The following CADM1 variants were observed in gnomAD, a reference collection of about 807,000 sequenced individuals.
CADM1 encodes TSLC-1.
CADM1 carries 15 observed loss-of-function variants against 53.1 expected under a neutral mutation model. That is an observed-to-expected ratio of 0.28 (90% CI 0.19 to 0.44). The LOEUF (loss-of-function observed/expected upper bound fraction) is 0.44. Ranked by LOEUF, CADM1 falls within the 20% of genes least tolerant of loss-of-function variation. The pLI, the probability that CADM1 is intolerant of heterozygous loss-of-function variation, is 1.00. For synonymous variants in CADM1, 281 were observed against 243.0 expected (o/e 1.16, Z -1.45); for missense variants, 434 against 611.3 (o/e 0.71, Z 3.06).
intron 1 of CADM1, chr11:115,257,036 G>A: frequency 2.8e-6 from 1 of 351,424 alleles, no homozygotes; most frequent in Non-Finnish European, 5.9e-6. Context: ...CCTCACAATT[G>A]TGCACAGCCA....
intron 1 of CADM1, among the ~76,000 whole-genome samples, chr11:115,298,396 AG>A (rs1944134215): frequency 6.6e-6 from 1 of 152,232 alleles, no homozygotes; most frequent in Admixed American, 6.5e-5. Flanking sequence ...GGAAGGAGGC[AG>A]GAAGAGAAAG....
intron 11 of CADM1, among the ~76,000 whole-genome samples, chr11:115,177,957 G>A (rs545553549): frequency 4.6e-5 from 7 of 152,132 alleles, no homozygotes; most frequent in East Asian, 1.9e-4. Flanking sequence ...AGACAGGGGC[G>A]GACAAAGAAA....
chr11:115,363,176 T>C (rs1298226427), intron 1 of CADM1, among the ~76,000 whole-genome samples: 1 of 152,224 alleles, frequency 6.6e-6, no homozygotes, highest in Non-Finnish European at 1.5e-5. Flanking sequence ...TGAGTGAACC[T>C]GGCACCTGTT....
intron 9 of CADM1, among the ~76,000 whole-genome samples, chr11:115,191,467 C>G (rs1454694132): frequency 1.3e-5 from 2 of 152,214 alleles, no homozygotes; most frequent in East Asian, 1.9e-4. Flanking sequence ...ATCAGAAAAT[C>G]TGATTCGCAA....
chr11:115,504,072 T>C (rs974397435), intron 1 of CADM1, among the ~76,000 whole-genome samples, 199 bp downstream of exon 1: 4 of 151,882 alleles, frequency 2.6e-5, no homozygotes, highest in Admixed American at 2.6e-4. Context: ...CATTCACACT[T>C]AGCCGGGCAG....
At chr11:115,379,567 T>C (rs1358194930) in intron 1 of CADM1, among the ~76,000 whole-genome samples, 1 of 152,228 alleles carries the variant, frequency 6.6e-6, no homozygotes, top group Non-Finnish European at 1.5e-5. Flanking sequence ...AGTACTGCAC[T>C]AGATTTTTTG....
intron 1 of CADM1, among the ~76,000 whole-genome samples, chr11:115,477,882 G>C (rs1166919134): frequency 6.6e-6 from 1 of 152,214 alleles, no homozygotes; most frequent in Non-Finnish European, 1.5e-5. Flanking sequence ...ATTGCATCCA[G>C]ATGAAATCCT....
At chr11:115,400,521 G>T (rs1324468817) in intron 1 of CADM1, among the ~76,000 whole-genome samples, 1 of 145,012 alleles carries the variant, frequency 6.9e-6, no homozygotes, top group Admixed American at 6.9e-5. Context: ...TTATATATCA[G>T]AATACTGTCA....
intron 5 of CADM1, among the ~76,000 whole-genome samples, chr11:115,225,016 T>C (rs575561371): frequency 5.1e-4 from 77 of 152,316 alleles, no homozygotes; most frequent in Admixed American, 2.8e-3. Flanking sequence ...GCATAACATC[T>C]AAGGAAAGAG....
chr11:115,209,762 C>T (rs979106183), intron 7 of CADM1, 105 bp from the exon 8 acceptor site: 4 of 1,408,144 alleles, frequency 2.8e-6, no homozygotes, highest in African/African-American at 1.4e-5. Flanking sequence ...TGTTTGATGG[C>T]TTCCCCCTTT....
intron 9 of CADM1, among the ~76,000 whole-genome samples, chr11:115,196,444 T>C (rs900274688): frequency 1.3e-5 from 2 of 151,936 alleles, no homozygotes; most frequent in Non-Finnish European, 2.9e-5. Context: ...AGACAAATGG[T>C]CAATATTTCT....
chr11:115,488,305 A>AATGG (rs1949420991), intron 1 of CADM1, among the ~76,000 whole-genome samples: 1 of 152,196 alleles, frequency 6.6e-6, no homozygotes, highest in South Asian at 2.1e-4. Context: ...GGGAAGTCTA[A>AATGG]ATGGATGGAT....
At chr11:115,211,654 A>ATTTT (rs368847838) in intron 7 of CADM1, among the ~76,000 whole-genome samples, 3 of 128,982 alleles carry the variant, frequency 2.3e-5, no homozygotes, top group Non-Finnish European at 3.3e-5. Context: ...TAATTTTTGT[A>ATTTT]TTTTTTTTTT....
At chr11:115,255,493 C>T (rs7110617) in intron 1 of CADM1, among the ~76,000 whole-genome samples, 152,143 of 152,336 alleles carry the variant, frequency 1, 75,976 homozygotes, top group Middle Eastern at 1. Flanking sequence ...ATAATTCCTA[C>T]GCATATTAAT....
intron 1 of CADM1, among the ~76,000 whole-genome samples, chr11:115,249,928 A>G (rs1272692992): frequency 1.3e-5 from 2 of 152,116 alleles, no homozygotes; most frequent in Non-Finnish European, 2.9e-5. Context: ...TCTTTGAGAC[A>G]GAGTCTCCCT....
At chr11:115,491,812 T>C (rs1312743582) in intron 1 of CADM1, among the ~76,000 whole-genome samples, 1 of 152,156 alleles carries the variant, frequency 6.6e-6, no homozygotes, top group East Asian at 1.9e-4. Flanking sequence ...GGGACATGGA[T>C]GAAGCTGGAA....
intron 1 of CADM1, among the ~76,000 whole-genome samples, chr11:115,446,710 T>G (rs1948458573): frequency 1.3e-5 from 2 of 152,186 alleles, no homozygotes; most frequent in African/African-American, 4.8e-5. Context: ...GATAAACCTA[T>G]GTAGCCTAAA....
chr11:115,209,877 AGT>A (rs1234660972), intron 7 of CADM1, among the ~76,000 whole-genome samples: 1 of 152,202 alleles, frequency 6.6e-6, no homozygotes, highest in Non-Finnish European at 1.5e-5. Flanking sequence ...TCATTAATGA[AGT>A]GAATTAGGGA....
chr11:115,416,573 T>A (rs567662152), intron 1 of CADM1, among the ~76,000 whole-genome samples: 1 of 152,176 alleles, frequency 6.6e-6, no homozygotes, highest in East Asian at 1.9e-4. Context: ...TAGTATTCTG[T>A]CCTACACAAA....
Sources: allele counts gnomAD v4.1 joint callset (sites outside exome capture counted in the v4.1 genomes callset), GRCh38; gene constraint gnomAD v4.1.1; transcripts MANE v1.5; gene names NCBI Gene and HGNC (gene_info 2026-07-23, HGNC 2026-07-21).